The following ERG variants were observed in gnomAD, a reference collection of about 807,000 sequenced individuals.
ERG encodes the protein ETS transcription factor ERG.
A neutral mutation model predicts 55.3 loss-of-function variants in ERG; 9 were observed. The observed-to-expected ratio is 0.16, with a 90% CI of 0.10 to 0.28. The LOEUF is 0.28. ERG is among the 10% of genes least tolerant of loss of function. ERG has a pLI of 1.00. For missense variants in ERG, 434 were observed against 631.6 expected (o/e 0.69, Z 3.35); for synonymous variants, 223 against 237.3 (o/e 0.94, Z 0.55).
chr21:38,376,745 G>A (rs1987253713), downstream of ERG, among the ~76,000 whole-genome samples: 1 of 152,222 alleles, frequency 6.6e-6, no homozygotes, highest in Non-Finnish European at 1.5e-5. Context: ...CAGCCATGGG[G>A]CCCAGCCCCA....
chr21:38,385,538 A>G lies in ERG; in HGVS notation c.920-1615T>C, dbSNP rs1987655944. Among the ~76,000 whole-genome samples, 3 of 152,258 alleles carry G rather than the reference A, an allele frequency of 2.0e-5. No individual in the cohort carries two copies. The South Asian group carries it at 6.2e-4, about 32-fold the overall frequency. ...TGCTTTGCATGTTGGCTACATGGAC[A>G]TGGATATTTTTGTGAATTTATCCAT... On this transcript the variant is annotated intron_variant, in intron 9 of 9. Coordinates refer to ENST00000288319, the MANE Select transcript of ERG (RefSeq NM_182918.4).
chr21:38,474,150 C>T (rs909760072), intron 1 of ERG: 11 of 152,138 alleles, frequency 7.2e-5, no homozygotes, highest in African/African-American at 2.7e-4. Flanking sequence ...ATTGTTGGTC[C>T]CGACTCCACC....
At chr21:38,417,990 G>A (rs1270563178) in intron 3 of ERG, among the ~76,000 whole-genome samples, 1 of 152,012 alleles carries the variant, frequency 6.6e-6, no homozygotes, top group African/African-American at 2.4e-5. Flanking sequence ...AACACCTAAA[G>A]AGTAACAGTA....
the ERG span, among the ~76,000 whole-genome samples, chr21:38,373,811 A>C: frequency 7.9e-5 from 12 of 152,352 alleles, no homozygotes; most frequent in East Asian, 2.1e-3. Flanking sequence ...AGAATAAATA[A>C]ATTTCTGTCT....
chr21:38,380,322 AG>A lies in ERG; in HGVS notation c.*3080del. ...GGTGCCACATCTGTGCAGAAGGCTT[AG>A]GAGAAGCAGTGAGCCTTCTAACTGC... is the stretch of plus-strand genomic sequence containing the variant. On this transcript the variant is annotated 3_prime_UTR_variant, in exon 10 of 10. Coordinates refer to ENST00000288319, the MANE Select transcript of ERG (RefSeq NM_182918.4). The A allele has an allele frequency of 9.5e-7, 1 of 1,056,546 alleles. No homozygotes were observed. The highest frequency in any genetic ancestry group is 1.1e-6 in the Non-Finnish European group (1 of 873,792). 65.4% of individuals were successfully genotyped at this position (1,056,546 alleles called of 1,614,324 possible). A position where few individuals can be genotyped will look rare whatever the true frequency, so the allele number is the denominator to read the frequency against.
Position 38,415,798 on chromosome 21 carries a change from C to A in ERG, c.388+7612G>T, listed in dbSNP as rs1446611621. ...GAATCCTGCAACCCCTGCGAGTCTG[C>A]GATTCCTGCTAGTTAGATCTAGATT... is the stretch of plus-strand genomic sequence containing the variant. On this transcript the variant is annotated intron_variant, in intron 3 of 9. Coordinates refer to ENST00000288319, the MANE Select transcript of ERG (RefSeq NM_182918.4). 2.0e-5 allele frequency among the ~76,000 whole-genome samples: 3 copies of A among 151,954 alleles called. No individual in the cohort carries two copies. The East Asian group carries it at 5.8e-4, about 29-fold the overall frequency.
chr21:38,378,821 T>G, downstream of ERG, among the ~76,000 whole-genome samples: 1 of 152,218 alleles, frequency 6.6e-6, no homozygotes, highest in South Asian at 2.1e-4. Flanking sequence ...CAAAATAGCT[T>G]AAGATTAAGA....
At chr21:38,604,212 C>A (rs963502114) in intron 1 of ERG, among the ~76,000 whole-genome samples, 1 of 150,550 alleles carries the variant, frequency 6.6e-6, no homozygotes, top group Non-Finnish European at 1.5e-5. Flanking sequence ...CGAGATCGCA[C>A]CACTGCACTC....
chr21:38,584,565 G>A (rs1205018151), intron 1 of ERG, among the ~76,000 whole-genome samples: 1 of 152,184 alleles, frequency 6.6e-6, no homozygotes, highest in African/African-American at 2.4e-5. Flanking sequence ...GGGCTGTGAA[G>A]ACTATAGAAC....
chr21:38,616,123 C>T (rs1297262056), intron 1 of ERG, among the ~76,000 whole-genome samples: 4 of 152,112 alleles, frequency 2.6e-5, no homozygotes, highest in African/African-American at 9.7e-5. Flanking sequence ...ATATGTTTGA[C>T]AGTTCCTCCT....
At chr21:38,588,319 A>C (rs201425356), upstream of ERG, among the ~76,000 whole-genome samples, 108 of 130,824 alleles carry the variant, frequency 8.3e-4, no homozygotes, top group African/African-American at 1.3e-3. Context: ...GACACCCCCC[A>C]CCACCACCAC....
intron 2 of ERG, among the ~76,000 whole-genome samples, chr21:38,444,043 C>T (rs141789369): frequency 1.3e-4 from 20 of 152,326 alleles, no homozygotes; most frequent in African/African-American, 4.1e-4. Context: ...CCATCTGGCA[C>T]GTCCAGCCTT....
chr21:38,610,989 G>A (rs2060223408), intron 1 of ERG, among the ~76,000 whole-genome samples: 1 of 152,174 alleles, frequency 6.6e-6, no homozygotes, highest in South Asian at 2.1e-4. Flanking sequence ...CTGCCTTGGA[G>A]GGAAGCAATC....
rs539346260 is a variant in ERG, at chr21:38,606,942, T to A, written c.-149-21997A>T. ...AGAAATGAGACTTCAGATTTTTTTTTAAAAAAGGAGTCCTGAGCAAAATAA... is the reference window on the plus strand; with the variant it reads ...AGAAATGAGACTTCAGATTTTTTTTAAAAAAAGGAGTCCTGAGCAAAATAA... On this transcript the variant is annotated intron_variant, in intron 1 of 10. Transcript: ENST00000398910. Among the ~76,000 whole-genome samples, 236 of 152,038 alleles carry A rather than the reference T, an allele frequency of 1.6e-3. 1 individual carries two copies. Among genetic ancestry groups the A allele is most frequent in the African/African-American group, 5.0e-3 (207 of 41,494 alleles).
At chr21:38,523,067 G>T (rs1040981085) in intron 2 of ERG, among the ~76,000 whole-genome samples, 1 of 152,198 alleles carries the variant, frequency 6.6e-6, no homozygotes, top group Non-Finnish European at 1.5e-5. Context: ...AGGAGGCATT[G>T]TGTCTGGGTG....
intron 2 of ERG, among the ~76,000 whole-genome samples, chr21:38,535,648 A>G (rs928603358): frequency 2.6e-5 from 4 of 152,178 alleles, no homozygotes; most frequent in African/African-American, 9.6e-5. Flanking sequence ...GAAGTACCCT[A>G]TATTTAAAGC....
chr21:38,587,868 G>T (rs1214298828), upstream of ERG, among the ~76,000 whole-genome samples: 1 of 152,212 alleles, frequency 6.6e-6, no homozygotes, highest in Non-Finnish European at 1.5e-5. Flanking sequence ...CTACTAGGCT[G>T]AAAGGATAAT....
chr21:38,493,375 C>T lies in ERG; in HGVS notation c.18+4988G>A, dbSNP rs150121864. 5.0e-3 allele frequency among the ~76,000 whole-genome samples: 760 copies of T among 152,088 alleles called. 9 individuals are homozygous for T. Among genetic ancestry groups the T allele is most frequent in the African/African-American group, 0.018 (727 of 41,462 alleles). On this transcript the variant is annotated intron_variant, in intron 1 of 9. Transcript: ENST00000288319. ...GTAAAACAATGCTAACTGAGAAGAGCAGGACAGGTAGGTAGATACAAGGCC... is the reference window on the plus strand; with the variant it reads ...GTAAAACAATGCTAACTGAGAAGAGTAGGACAGGTAGGTAGATACAAGGCC...
chr21:38,643,995 C>T (rs1316183441), intron 1 of ERG, among the ~76,000 whole-genome samples: 3 of 152,212 alleles, frequency 2.0e-5, no homozygotes, highest in Admixed American at 1.3e-4. Flanking sequence ...CCTCTGCTCA[C>T]CCTCTCCCCT....
Sources: allele counts gnomAD v4.1 joint callset (sites outside exome capture counted in the v4.1 genomes callset), GRCh38; gene constraint gnomAD v4.1.1; transcripts MANE v1.5; gene names NCBI Gene and HGNC (gene_info 2026-07-23, HGNC 2026-07-21).